SUMF1: variants seen among roughly 807,000 people sequenced by gnomAD.
SUMF1 encodes sulfatase modifying factor 1.
In SUMF1, 48 loss-of-function variants were observed where a neutral mutation model predicts 47.6. That is an observed-to-expected ratio of 1.01 (90% CI 0.80 to 1.28). SUMF1 has a LOEUF of 1.28. Ranked by LOEUF, SUMF1 falls within the 50% of genes most tolerant of loss-of-function variation. The pLI, the probability that SUMF1 is intolerant of heterozygous loss-of-function variation, is 0.00. For synonymous variants in SUMF1, 230 were observed against 192.1 expected (o/e 1.20, Z -1.63); for missense variants, 571 against 485.4 (o/e 1.18, Z -1.66).
At chr3:4,402,856 T>C (rs1701258485) in intron 7 of SUMF1, among the ~76,000 whole-genome samples, 1 of 152,134 alleles carries the variant, frequency 6.6e-6, no homozygotes, top group South Asian at 2.1e-4. Flanking sequence ...ATGTAAAAAA[T>C]AGCTACATAA....
At chr3:4,258,798 A>G (rs1697016612) in intron 8 of SUMF1, among the ~76,000 whole-genome samples, 1 of 139,274 alleles carries the variant, frequency 7.2e-6, no homozygotes, top group South Asian at 2.2e-4. Context: ...ATGCTGTTAT[A>G]AAGACACATG....
intron 8 of SUMF1, among the ~76,000 whole-genome samples, chr3:4,149,651 C>T (rs1050880622): frequency 2.0e-5 from 3 of 152,194 alleles, no homozygotes; most frequent in African/African-American, 7.2e-5. Flanking sequence ...AAACAGGAAG[C>T]AACCATCCCC....
intron 8 of SUMF1, among the ~76,000 whole-genome samples, chr3:4,305,098 T>A (rs887605464): frequency 6.6e-6 from 1 of 151,894 alleles, no homozygotes; most frequent in African/African-American, 2.4e-5. Context: ...GATAAAGGGT[T>A]TTTTTTTGAG....
chr3:4,107,772 G>A (rs1693192370), intron 8 of SUMF1, among the ~76,000 whole-genome samples: 1 of 152,066 alleles, frequency 6.6e-6, no homozygotes, highest in African/African-American at 2.4e-5. Flanking sequence ...GAGCTATGAA[G>A]GCATCACTGC....
chr3:4,158,566 G>A (rs1694505916), intron 8 of SUMF1, among the ~76,000 whole-genome samples: 1 of 151,418 alleles, frequency 6.6e-6, no homozygotes, highest in Admixed American at 6.6e-5. Context: ...AGCTATTGTT[G>A]TATTGGGGTC....
At chr3:4,340,960 T>C (rs1699260146) in intron 8 of SUMF1, among the ~76,000 whole-genome samples, 2 of 152,216 alleles carry the variant, frequency 1.3e-5, no homozygotes, top group Admixed American at 1.3e-4. Context: ...TTTTTTCTTC[T>C]TCTACACAAA....
chr3:4,410,247 G>A (rs1170987235), intron 7 of SUMF1, among the ~76,000 whole-genome samples: 1 of 152,104 alleles, frequency 6.6e-6, no homozygotes, highest in Non-Finnish European at 1.5e-5. Context: ...TTAGAGGCAG[G>A]GTAGTATACT....
chr3:4,417,914 C>A, intron 5 of SUMF1, 96 bp downstream of exon 5: 1 of 1,594,528 alleles, frequency 6.3e-7, no homozygotes, highest in Non-Finnish European at 8.6e-7. Context: ...TCGTTATTAA[C>A]TTTCTAACCA....
intron 8 of SUMF1, among the ~76,000 whole-genome samples, chr3:4,254,719 A>G (rs1304246513): frequency 6.7e-6 from 1 of 149,908 alleles, no homozygotes; most frequent in African/African-American, 2.4e-5. Context: ...AACTTCCCCA[A>G]TCTAGCAAGG....
chr3:4,303,722 G>T, intron 8 of SUMF1: 1 of 1,502,824 alleles, frequency 6.7e-7, no homozygotes, highest in South Asian at 1.2e-5. Context: ...ACCTTAGCAA[G>T]GGTGTTGTCC....
rs138454228 is a variant in SUMF1 at position 4,463,727 on chromosome 3, A to C, written c.270+3249T>G. On this transcript the variant is annotated intron_variant, in intron 1 of 8. Transcript: ENST00000272902. ...GGAAATCAAGACTGACTTTATCCATATGTACAGACATGCCACCTACAATCT... is the reference window on the plus strand; with the variant it reads ...GGAAATCAAGACTGACTTTATCCATCTGTACAGACATGCCACCTACAATCT... Among the ~76,000 whole-genome samples the C allele has an allele frequency of 4.4e-3, 675 of 152,338 alleles. 4 individuals are homozygous for C. The highest frequency in any genetic ancestry group is 0.015 in the African/African-American group (622 of 41,576).
At chr3:4,317,934 A>T (rs1698727595) in intron 8 of SUMF1, among the ~76,000 whole-genome samples, 1 of 152,186 alleles carries the variant, frequency 6.6e-6, no homozygotes, top group South Asian at 2.1e-4. Flanking sequence ...ATTAGGATAT[A>T]ATGTCCTTCA....
intron 3 of SUMF1, among the ~76,000 whole-genome samples, chr3:4,423,315 C>CACACAA (rs1491344267): frequency 2.1e-5 from 3 of 143,618 alleles, no homozygotes; most frequent in African/African-American, 2.5e-5. Flanking sequence ...CACACACACA[C>CACACAA]AATGGAATAC....
rs1255457266 is a variant in SUMF1, at chr3:4,373,933, T to A, written c.1014+2397A>T. Among the ~76,000 whole-genome samples the A allele has an allele frequency of 6.4e-4, 98 of 152,010 alleles. 2 individuals carry two copies. The highest frequency in any genetic ancestry group is 6.4e-3 in the Admixed American group (98 of 15,266). On this transcript the variant is annotated intron_variant, in intron 8 of 8. Transcript: ENST00000272902. ...ATATGAACAGATAGAAAAAGCAAAA[T>A]CATATTATCATCTCAATAGATGCAG...
At chr3:4,261,515 G>A (rs987466353) in intron 8 of SUMF1, among the ~76,000 whole-genome samples, 2 of 152,206 alleles carry the variant, frequency 1.3e-5, no homozygotes, top group Admixed American at 1.3e-4. Flanking sequence ...TGGGTTGCTT[G>A]TCCTGCCGTC....
intron 8 of SUMF1, among the ~76,000 whole-genome samples, chr3:4,312,715 A>G (rs1369645721): frequency 6.6e-6 from 1 of 151,420 alleles, no homozygotes. Context: ...AAAAAAAAAA[A>G]AAAAAACTTG....
chr3:4,399,796 C>T (rs1361254444), intron 7 of SUMF1, among the ~76,000 whole-genome samples: 1 of 152,146 alleles, frequency 6.6e-6, no homozygotes, highest in Admixed American at 6.5e-5. Flanking sequence ...CTCGCTCTGC[C>T]ATCTAGCCTG....
chr3:4,164,897 C>A (rs896731126), intron 8 of SUMF1, among the ~76,000 whole-genome samples: 2 of 152,096 alleles, frequency 1.3e-5, no homozygotes, highest in African/African-American at 2.4e-5. Context: ...CATAGCCACT[C>A]GAGGAAGGCA....
chr3:4,107,215 G>T (rs981686145), intron 8 of SUMF1, among the ~76,000 whole-genome samples: 3 of 152,124 alleles, frequency 2.0e-5, no homozygotes, highest in African/African-American at 7.2e-5. Context: ...CAGGAGCTAA[G>T]ATTTGCCAAA....
Sources: allele counts gnomAD v4.1 joint callset (sites outside exome capture counted in the v4.1 genomes callset), GRCh38; gene constraint gnomAD v4.1.1; transcripts MANE v1.5; gene names NCBI Gene and HGNC (gene_info 2026-07-23, HGNC 2026-07-21).